Variants in CDC42BPB observed in about 807,000 individuals in gnomAD.
The protein encoded by CDC42BPB is CDC42 binding protein kinase beta, also known as serine/threonine-protein kinase MRCK beta.
In CDC42BPB, 37 loss-of-function variants were observed where a neutral mutation model predicts 214.9. That is an observed-to-expected ratio of 0.17 (90% CI 0.13 to 0.23). The LOEUF (loss-of-function observed/expected upper bound fraction) is 0.23. CDC42BPB is among the 10% of genes least tolerant of loss of function. The pLI, the probability that CDC42BPB is intolerant of heterozygous loss-of-function variation, is 1.00. For missense variants in CDC42BPB, 1,694 were observed against 2,227.0 expected, an observed-to-expected ratio of 0.76 and a Z score of 4.82; for synonymous variants, 931 against 884.0, an observed-to-expected ratio of 1.05 and a Z score of -0.94.
At chr14:103,022,065 G>A (rs921900397) in intron 1 of CDC42BPB, among the ~76,000 whole-genome samples, 2 of 152,092 alleles carry the variant, frequency 1.3e-5, no homozygotes, top group African/African-American at 2.4e-5. Flanking sequence ...AGCTGGTATC[G>A]GATGAGATCA....
Position 102,933,727 on chromosome 14 carries a change from C to T in CDC42BPB, c.5121G>A (p.Pro1707=), listed in dbSNP as rs977864022. The T allele has an allele frequency of 7.4e-6, 11 of 1,478,706 alleles. No individual in the cohort carries two copies. The East Asian group carries it at 8.2e-5, about 11-fold the overall frequency. The allele number at this position is 1,478,706 out of a possible 1,614,324, so 91.6% of individuals were successfully genotyped here. A position where few individuals can be genotyped will look rare whatever the true frequency, so the allele number is the denominator to read the frequency against. ...SQLPLEGLEQ[P]ACDT is the part of the protein sequence containing the mutation. ...GCTGGCGGCTTCAGGTGTCACAGGC[C>T]GGCTGCTCCAGGCCTTCGAGGGGGA... The change falls in exon 37 of 37, where the codon CCG becomes CCA. Residue 1707 remains proline (P), a synonymous_variant. Coordinates refer to ENST00000361246, the MANE Select transcript of CDC42BPB (RefSeq NM_006035.4).
chr14:102,963,425 G>T, intron 19 of CDC42BPB: 1 of 303,048 alleles, frequency 3.3e-6, no homozygotes, highest in Non-Finnish European at 4.9e-6. Flanking sequence ...TCCTAATCTT[G>T]TTCCCAGGCG....
Position 102,974,063 on chromosome 14 carries a change from CCAGCCCCCG to C in CDC42BPB, c.1585_1593del (p.Arg529_Leu531del), listed in dbSNP as rs774881145. The C allele has an allele frequency of 2.1e-5, 34 of 1,613,906 alleles. No individual in the cohort carries two copies. In the Admixed American group the frequency reaches 3.7e-4, roughly 17 times the overall value. On this transcript the variant is annotated inframe_deletion, in exon 12 of 37. Transcript: ENST00000361246. ...TGCCGGACCACGCGGTGCTGCTTCT[CCAGCCCCCG>C]CAGCCGCTGCGTGGAGTCCTCACGC... is the stretch of plus-strand genomic sequence containing the variant.
intron 1 of CDC42BPB, among the ~76,000 whole-genome samples, chr14:103,040,637 T>C (rs1357819968): frequency 6.6e-6 from 1 of 151,984 alleles, no homozygotes; most frequent in Non-Finnish European, 1.5e-5. Flanking sequence ...TTTTGTATTT[T>C]TGTAGAGACA....
intron 1 of CDC42BPB, chr14:103,041,529 T>C (rs1382012743): frequency 1.8e-5 from 25 of 1,379,076 alleles, no homozygotes; most frequent in Non-Finnish European, 2.5e-5. Context: ...AGCTGGCTCG[T>C]GGCCACATGG....
rs964703864 is a variant in CDC42BPB, at chr14:102,950,409, A to G, written c.3309+57T>C. On this transcript the variant is annotated intron_variant, in intron 25 of 36. Coordinates refer to ENST00000361246, the MANE Select transcript of CDC42BPB (RefSeq NM_006035.4). Reference sequence around the variant, plus strand: ...CTTTCAAGAGTGGCTGGGCATGGCTATTGGTCACTGCACCTCACAGGCACC... The same window carrying G: ...CTTTCAAGAGTGGCTGGGCATGGCTGTTGGTCACTGCACCTCACAGGCACC... 14 of 1,597,312 alleles carry G rather than the reference A, an allele frequency of 8.8e-6. No homozygotes were observed. In the African/African-American group the frequency reaches 9.4e-5, roughly 11 times the overall value.
chr14:103,049,428 A>T (rs1239177732), intron 1 of CDC42BPB, among the ~76,000 whole-genome samples: 1 of 152,238 alleles, frequency 6.6e-6, no homozygotes, highest in African/African-American at 2.4e-5. Context: ...ACGTGAGAGA[A>T]ATCAACCTGA....
At chr14:103,009,829 C>A (rs1174942285) in intron 2 of CDC42BPB, among the ~76,000 whole-genome samples, 1 of 152,212 alleles carries the variant, frequency 6.6e-6, no homozygotes, top group African/African-American at 2.4e-5. Context: ...TCACTTAATG[C>A]AATCTGTTTT....
intron 1 of CDC42BPB, among the ~76,000 whole-genome samples, chr14:103,049,159 T>C (rs1888466278): frequency 6.6e-6 from 1 of 152,128 alleles, no homozygotes; most frequent in African/African-American, 2.4e-5. Flanking sequence ...AAGTCAGCAA[T>C]GTCTAAAATG....
At chr14:103,006,338 G>A (rs1016751314) in intron 3 of CDC42BPB, among the ~76,000 whole-genome samples, 2 of 152,242 alleles carry the variant, frequency 1.3e-5, no homozygotes, top group South Asian at 2.1e-4. Flanking sequence ...GAGGATCTGC[G>A]GCACCTGTGC....
rs1566894077 is a variant in CDC42BPB, at chr14:103,001,243, G to C, written c.448-1530C>G. 6.6e-6 allele frequency among the ~76,000 whole-genome samples: 1 copy of C among 152,136 alleles called. No homozygotes were observed. The highest frequency in any genetic ancestry group is 1.5e-5 in the Non-Finnish European group (1 of 68,018). ...AGTTTTTCAATTTGTTCATTCGCTC[G>C]TGCACCCTCACTGTGGCCCCGCCAG... On this transcript the variant is annotated intron_variant, in intron 4 of 36. Coordinates refer to ENST00000361246, the MANE Select transcript of CDC42BPB (RefSeq NM_006035.4). The surrounding 1 kb of genome is among the most constrained non-coding windows in gnomAD (Gnocchi z 5.8).
intron 1 of CDC42BPB, chr14:103,041,713 G>A: frequency 3.6e-6 from 2 of 552,056 alleles, no homozygotes. Flanking sequence ...GCTCAGGGTG[G>A]CTGGCATTCA....
At chr14:103,033,326 A>T (rs2139714781) in intron 1 of CDC42BPB, among the ~76,000 whole-genome samples, 1 of 152,182 alleles carries the variant, frequency 6.6e-6, no homozygotes, top group South Asian at 2.1e-4. Flanking sequence ...GGTTCACGCC[A>T]TTCTCCTGCC....
intron 23 of CDC42BPB, 131 bp from the exon 24 acceptor site, chr14:102,952,734 T>G: frequency 6.8e-7 from 1 of 1,466,984 alleles, no homozygotes; most frequent in East Asian, 2.5e-5. Flanking sequence ...AGTTCTGGTC[T>G]TGGTCTACGT....
intron 1 of CDC42BPB, among the ~76,000 whole-genome samples, chr14:103,029,393 A>G (rs1887224614): frequency 1.3e-5 from 2 of 151,818 alleles, no homozygotes; most frequent in South Asian, 4.2e-4. Context: ...ATACAAAAAA[A>G]TTAGCTGGGC....
At chr14:102,945,443 T>C in intron 29 of CDC42BPB, 1 of 567,356 alleles carries the variant, frequency 1.8e-6, no homozygotes, top group Admixed American at 2.6e-5. Context: ...CCCCACCCAC[T>C]CCCGCTCAGT....
chr14:102,957,596 G>A (rs1437451446), intron 21 of CDC42BPB, among the ~76,000 whole-genome samples: 3 of 152,218 alleles, frequency 2.0e-5, no homozygotes, highest in Admixed American at 6.5e-5. Context: ...TCAAAACTGT[G>A]GATTTCAGGG....
At chr14:102,960,554 T>C (rs917797771) in intron 20 of CDC42BPB, among the ~76,000 whole-genome samples, 1 of 152,024 alleles carries the variant, frequency 6.6e-6, no homozygotes, top group African/African-American at 2.4e-5. Flanking sequence ...CTGGGGAGAT[T>C]GAGGCTGCAC....
chr14:102,983,891 T>A, intron 6 of CDC42BPB, 135 bp from the exon 7 acceptor site: 3 of 1,452,828 alleles, frequency 2.1e-6, no homozygotes, highest in Non-Finnish European at 2.7e-6. Flanking sequence ...ATCGTGTTTT[T>A]TAAACCCAGT....
Sources: allele counts gnomAD v4.1 joint callset (sites outside exome capture counted in the v4.1 genomes callset), GRCh38; gene constraint gnomAD v4.1.1; non-coding constraint Gnocchi (gnomAD v3.1); transcripts MANE v1.5; gene names NCBI Gene and HGNC (gene_info 2026-07-23, HGNC 2026-07-21).